AUTS2: variants seen among roughly 807,000 people sequenced by gnomAD.
AUTS2 encodes autism susceptibility gene 2 protein.
A neutral mutation model predicts 112.4 loss-of-function variants in AUTS2; 17 were observed. That is an observed-to-expected ratio of 0.15 (90% CI 0.10 to 0.23). The LOEUF is 0.23. AUTS2 is among the 10% of genes least tolerant of loss of function. The probability of loss-of-function intolerance (pLI) is 1.00; values close to 1 mark genes in which losing one functional copy is unlikely to be tolerated. For synonymous variants in AUTS2, 751 were observed against 702.7 expected (o/e 1.07, Z -1.09); for missense variants, 1,510 against 1,701.6 (o/e 0.89, Z 1.98).
intron 5 of AUTS2, among the ~76,000 whole-genome samples, chr7:70,535,280 T>C (rs1271963109): frequency 6.6e-6 from 1 of 152,172 alleles, no homozygotes; most frequent in Non-Finnish European, 1.5e-5. Context: ...TGGTGCCTCT[T>C]ATATTTTTAT....
At chr7:70,053,561 A>G (rs1403061298) in intron 2 of AUTS2, among the ~76,000 whole-genome samples, 1 of 72,300 alleles carries the variant, frequency 1.4e-5, no homozygotes, top group Admixed American at 1.1e-4. Flanking sequence ...TTTTTTGGAG[A>G]CAGGATCTCA....
At chr7:70,634,638 C>T (rs960466498) in intron 5 of AUTS2, among the ~76,000 whole-genome samples, 6 of 152,252 alleles carry the variant, frequency 3.9e-5, no homozygotes, top group African/African-American at 9.6e-5. Flanking sequence ...GCGATAACCA[C>T]GATGAGGAGA....
intron 5 of AUTS2, among the ~76,000 whole-genome samples, chr7:70,600,221 C>T (rs1187287277): frequency 6.6e-6 from 1 of 152,198 alleles, no homozygotes; most frequent in African/African-American, 2.4e-5. Context: ...AAATTCACCA[C>T]TTTAAAGTGT....
intron 1 of AUTS2, among the ~76,000 whole-genome samples, chr7:69,736,706 A>T (rs1191749616): frequency 6.6e-6 from 1 of 152,184 alleles, no homozygotes; most frequent in South Asian, 2.1e-4. Flanking sequence ...GATTTAGAGG[A>T]CACTCCAGAT....
In AUTS2 at chr7:69,996,946, T is replaced by TAAA. The variant is rs1161825217; in HGVS notation, c.522+97464_522+97466dup. On this transcript the variant is annotated intron_variant, in intron 2 of 18. Transcript: ENST00000342771. ...CTTTTTCGAAATAACCTGGAACACT[T>TAAA]AAAAAAAAAAAAAAAAAAGCAAACT... 1.0e-4 allele frequency among the ~76,000 whole-genome samples: 10 copies of TAAA among 99,034 alleles called. 1 individual carries two copies. Among genetic ancestry groups the TAAA allele is most frequent in the East Asian group, 5.8e-4 (2 of 3,478 alleles). 65.0% of individuals were successfully genotyped at this position (99,034 alleles called of 152,430 possible). A position where few individuals can be genotyped will look rare whatever the true frequency, so the allele number is the denominator to read the frequency against.
At chr7:70,138,087 A>C (rs1806667403) in intron 4 of AUTS2, among the ~76,000 whole-genome samples, 1 of 152,142 alleles carries the variant, frequency 6.6e-6, no homozygotes, top group Admixed American at 6.5e-5. Flanking sequence ...TTACTTGTGT[A>C]TTTTCTTCCT....
intron 2 of AUTS2, among the ~76,000 whole-genome samples, chr7:70,058,439 C>T (rs1018458765): frequency 6.6e-6 from 1 of 152,108 alleles, no homozygotes; most frequent in Admixed American, 6.5e-5. Context: ...TCCATGTACC[C>T]CCCCGCTACG....
rs116438416 is a variant in AUTS2 at position 69,616,278 on chromosome 7, G to A, written c.309+16316G>A. Among the ~76,000 whole-genome samples the A allele has an allele frequency of 1.9e-3, 296 of 152,290 alleles. 1 individual carries two copies. Among genetic ancestry groups the A allele is most frequent in the African/African-American group, 6.8e-3 (284 of 41,552 alleles). ...TTTAGATATAAAAAGAGACTAAGTG[G>A]TGGAGTCAAGAAAGTACCAGGTGGC... On this transcript the variant is annotated intron_variant, in intron 1 of 18. Transcript: ENST00000342771.
chr7:70,268,475 T>C (rs1028570341), intron 4 of AUTS2, among the ~76,000 whole-genome samples: 1 of 152,338 alleles, frequency 6.6e-6, no homozygotes, highest in African/African-American at 2.4e-5. Flanking sequence ...TATTTGTTTA[T>C]TAAATAGTGA....
chr7:69,886,934 C>T (rs531649251), intron 1 of AUTS2, among the ~76,000 whole-genome samples: 1 of 152,154 alleles, frequency 6.6e-6, no homozygotes, highest in South Asian at 2.1e-4. Flanking sequence ...GCCACCACAC[C>T]CAGCTAATTT....
chr7:70,643,838 A>C (rs1179846707), intron 5 of AUTS2, among the ~76,000 whole-genome samples: 1 of 152,144 alleles, frequency 6.6e-6, no homozygotes, highest in African/African-American at 2.4e-5. Flanking sequence ...GCCCCACATC[A>C]GCAAGTCTCC....
chr7:70,491,893 G>A (rs1302372126), intron 5 of AUTS2, among the ~76,000 whole-genome samples: 1 of 152,124 alleles, frequency 6.6e-6, no homozygotes, highest in Admixed American at 6.5e-5. Flanking sequence ...GGGATTACAA[G>A]TGTGAGCCAC....
intron 5 of AUTS2, among the ~76,000 whole-genome samples, chr7:70,657,611 C>G (rs941089162): frequency 6.6e-6 from 1 of 152,174 alleles, no homozygotes; most frequent in Non-Finnish European, 1.5e-5. Flanking sequence ...ACTTGTGGAG[C>G]CATCTCTGGA....
chr7:69,686,147 C>G (rs1335682557), intron 1 of AUTS2, among the ~76,000 whole-genome samples: 3 of 152,152 alleles, frequency 2.0e-5, no homozygotes, highest in Non-Finnish European at 4.4e-5. Flanking sequence ...ATAATTTTCT[C>G]ATAGTGCTGT....
intron 1 of AUTS2, among the ~76,000 whole-genome samples, chr7:69,800,688 C>G (rs1790043640): frequency 6.6e-6 from 1 of 152,200 alleles, no homozygotes; most frequent in Non-Finnish European, 1.5e-5. Context: ...TTGATAGCAG[C>G]TAGCCTTGGA....
In AUTS2 at chr7:70,600,834, A is replaced by G. The variant is rs77169954; in HGVS notation, c.691-97735A>G. Reference sequence around the variant, plus strand: ...TTCTTAACGTTTTGAGAGTCAGCCAAGCTGTAACATGTATCAGTACTCCAT... The same window carrying G: ...TTCTTAACGTTTTGAGAGTCAGCCAGGCTGTAACATGTATCAGTACTCCAT... On this transcript the variant is annotated intron_variant, in intron 5 of 18. Transcript: ENST00000342771. 1.5e-4 allele frequency among the ~76,000 whole-genome samples: 23 copies of G among 152,334 alleles called. No individual in the cohort carries two copies. In the East Asian group the frequency reaches 3.9e-3, roughly 26 times the overall value.
At chr7:69,988,590 G>C (rs57263898) in intron 2 of AUTS2, among the ~76,000 whole-genome samples, 54,345 of 151,394 alleles carry the variant, frequency 0.36, 10,225 homozygotes, top group African/African-American at 0.48. Context: ...GCTTTTTTTT[G>C]TGGTATGTAG....
At chr7:69,909,666 A>G (rs1345284008) in intron 2 of AUTS2, among the ~76,000 whole-genome samples, 1 of 152,142 alleles carries the variant, frequency 6.6e-6, no homozygotes, top group East Asian at 1.9e-4. Flanking sequence ...TTTTGATTCC[A>G]CAAATTCAAA....
At chr7:69,937,704 T>C (rs1043797461) in intron 2 of AUTS2, among the ~76,000 whole-genome samples, 4 of 152,198 alleles carry the variant, frequency 2.6e-5, no homozygotes, top group Admixed American at 1.3e-4. Flanking sequence ...TTATTTCAAC[T>C]GGTAACAATG....
Sources: gnomAD v4.1 joint callset for allele counts (sites outside exome capture counted in the v4.1 genomes callset) on GRCh38, gnomAD v4.1.1 for gene constraint, MANE v1.5 for transcripts, NCBI Gene and HGNC (gene_info 2026-07-23, HGNC 2026-07-21) for gene names.